Variants in KIRREL3 observed in about 807,000 individuals in gnomAD.
KIRREL3 encodes the protein kirre like nephrin family adhesion molecule 3, also known as kin of IRRE-like protein 3.
KIRREL3 carries 36 observed loss-of-function variants against 89.7 expected under a neutral mutation model. The observed-to-expected ratio is 0.40, with a 90% CI of 0.31 to 0.53. The LOEUF (loss-of-function observed/expected upper bound fraction) is 0.53, where lower values mean the gene tolerates loss of function less well. Among genes scored for constraint, KIRREL3 ranks in the 20% least tolerant of loss-of-function variants. The pLI, the probability that KIRREL3 is intolerant of heterozygous loss-of-function variation, is 0.49. For synonymous variants in KIRREL3, 445 were observed against 441.4 expected (o/e 1.01, Z -0.10); for missense variants, 864 against 1,056.6 (o/e 0.82, Z 2.53).
intron 1 of KIRREL3, among the ~76,000 whole-genome samples, chr11:126,929,066 T>A (rs1947833628): frequency 6.6e-6 from 1 of 152,196 alleles, no homozygotes; most frequent in Non-Finnish European, 1.5e-5. Flanking sequence ...TAGGAGCTTT[T>A]CAAGGACGTC....
intron 1 of KIRREL3, among the ~76,000 whole-genome samples, chr11:126,986,588 C>T (rs907007455): frequency 6.6e-6 from 1 of 152,134 alleles, no homozygotes; most frequent in African/African-American, 2.4e-5. Context: ...CCCTGGGTTC[C>T]ACTGGGGTGG....
At chr11:126,494,437 C>T (rs533553330) in intron 4 of KIRREL3, among the ~76,000 whole-genome samples, 1 of 152,240 alleles carries the variant, frequency 6.6e-6, no homozygotes, top group Non-Finnish European at 1.5e-5. Context: ...TGCACGTTTT[C>T]CCTCTTGCTG....
Position 126,890,326 on chromosome 11 carries a change from C to T in KIRREL3, c.55+110129G>A, listed in dbSNP as rs986965213. On this transcript the variant is annotated intron_variant, in intron 1 of 16. Coordinates refer to ENST00000525144, the MANE Select transcript of KIRREL3 (RefSeq NM_032531.4). The surrounding 1 kb of genome is among the most constrained non-coding windows in gnomAD (Gnocchi z 5.1). ...AACAATAGCCGAGAAAGGGCTTGTA[C>T]TGGCCATGCCAGAGTCTAGAGGGAA... Among the ~76,000 whole-genome samples the T allele has an allele frequency of 6.6e-6, 1 of 152,230 alleles. No homozygotes were observed. The highest frequency in any genetic ancestry group is 2.4e-5 in the African/African-American group (1 of 41,464).
chr11:126,929,524 A>C (rs1031089698), intron 1 of KIRREL3, among the ~76,000 whole-genome samples: 2 of 151,576 alleles, frequency 1.3e-5, no homozygotes, highest in Admixed American at 6.6e-5. Flanking sequence ...AGAAGCAGAA[A>C]ACAAATAAAA....
chr11:126,853,042 GT>G (rs1041813161), intron 1 of KIRREL3, among the ~76,000 whole-genome samples: 1 of 152,110 alleles, frequency 6.6e-6, no homozygotes, highest in African/African-American at 2.4e-5. Context: ...TGTAACTTAA[GT>G]TTTTTGTGTC....
chr11:126,608,327 C>T lies in KIRREL3; in HGVS notation c.56-45415G>A, dbSNP rs1296021324. 6.6e-6 allele frequency among the ~76,000 whole-genome samples: 1 copy of T among 152,188 alleles called. No individual in the cohort carries two copies. Among genetic ancestry groups the T allele is most frequent in the Non-Finnish European group, 1.5e-5 (1 of 68,028 alleles). On this transcript the variant is annotated intron_variant, in intron 1 of 16. Transcript: ENST00000525144. The surrounding 1 kb of genome is among the most constrained non-coding windows in gnomAD (Gnocchi z 4.9). ...CAGCATTTGTGAAATCTAATTAGTGCAGGCCCAACTTCTGACTTCCTGTGC... is the reference window on the plus strand; with the variant it reads ...CAGCATTTGTGAAATCTAATTAGTGTAGGCCCAACTTCTGACTTCCTGTGC...
intron 1 of KIRREL3, among the ~76,000 whole-genome samples, chr11:126,992,734 C>T (rs1011333760): frequency 6.6e-6 from 1 of 152,200 alleles, no homozygotes; most frequent in African/African-American, 2.4e-5. Context: ...CTCACCTGCT[C>T]CAGTGCTGTT....
intron 1 of KIRREL3, among the ~76,000 whole-genome samples, chr11:126,974,897 TA>T (rs1216026585): frequency 6.6e-6 from 1 of 152,102 alleles, no homozygotes; most frequent in East Asian, 1.9e-4. Context: ...TTTAAAGGCT[TA>T]ATGTGACTTA....
chr11:126,984,716 C>T (rs934336581), intron 1 of KIRREL3, among the ~76,000 whole-genome samples: 7 of 152,168 alleles, frequency 4.6e-5, no homozygotes, highest in Non-Finnish European at 8.8e-5. Context: ...CCAAGCTCCC[C>T]GCACAAATTG....
chr11:126,455,123 G>A lies in KIRREL3; in HGVS notation c.848+1226C>T, dbSNP rs1375217044. On this transcript the variant is annotated intron_variant, in intron 7 of 16. Coordinates refer to ENST00000525144, the MANE Select transcript of KIRREL3 (RefSeq NM_032531.4). This position sits in a 1 kb window ranked among gnomAD's most constrained non-coding sequence, Gnocchi z 6.4. ...GGCACCATTAACATCCTTGGCCTTT[G>A]CAGATGCTGCAGCTTAATGGCCGAG... Among the ~76,000 whole-genome samples the A allele has an allele frequency of 1.3e-5, 2 of 152,182 alleles. No individual in the cohort carries two copies. The highest frequency in any genetic ancestry group is 1.3e-4 in the Admixed American group (2 of 15,280).
rs896310702 is a variant in KIRREL3, at chr11:126,992,538, G to C, written c.55+7917C>G. The C allele has an allele frequency of 1.2e-4, 19 of 152,342 alleles. 1 individual carries two copies. Among genetic ancestry groups the C allele is most frequent in the African/African-American group, 3.6e-4 (15 of 41,576 alleles). 9.4% of individuals were successfully genotyped at this position (152,342 alleles called of 1,614,324 possible). On this transcript the variant is annotated intron_variant, in intron 1 of 16. Coordinates refer to ENST00000525144, the MANE Select transcript of KIRREL3 (RefSeq NM_032531.4). ...GGCCAAAGTGTGGAACATACAGGTA[G>C]ATCTGATGATATTCTCTACTCTTAA...
At chr11:126,597,655 G>A (rs1273442277) in intron 1 of KIRREL3, among the ~76,000 whole-genome samples, 1 of 152,190 alleles carries the variant, frequency 6.6e-6, no homozygotes, top group Non-Finnish European at 1.5e-5. Context: ...TCTCTCGAGT[G>A]CCTTCCCCGA....
chr11:126,464,568 G>T (rs1300267376), intron 5 of KIRREL3, among the ~76,000 whole-genome samples: 1 of 151,250 alleles, frequency 6.6e-6, no homozygotes, highest in African/African-American at 2.4e-5. Flanking sequence ...AGAAGAAGGA[G>T]AAGGATAAAG....
intron 7 of KIRREL3, among the ~76,000 whole-genome samples, chr11:126,451,171 G>A (rs1411982049): frequency 6.7e-6 from 1 of 150,210 alleles, no homozygotes; most frequent in South Asian, 2.1e-4. Context: ...GTGTGAATGT[G>A]TACATGTGTG....
intron 1 of KIRREL3, among the ~76,000 whole-genome samples, chr11:126,725,214 C>T (rs150409082): frequency 3.9e-5 from 6 of 152,272 alleles, no homozygotes; most frequent in African/African-American, 1.2e-4. Flanking sequence ...GAGAGGACAG[C>T]GTGGTGCCTC....
chr11:126,599,956 T>A (rs1942579401), intron 1 of KIRREL3, among the ~76,000 whole-genome samples: 1 of 152,246 alleles, frequency 6.6e-6, no homozygotes, highest in Non-Finnish European at 1.5e-5. Context: ...CCCTTGAGTA[T>A]GGGCTAGACC....
chr11:126,915,009 C>A (rs1362745705), intron 1 of KIRREL3, among the ~76,000 whole-genome samples: 3 of 152,172 alleles, frequency 2.0e-5, no homozygotes, highest in Non-Finnish European at 4.4e-5. Flanking sequence ...ACCTTAAAAA[C>A]CAACGCTCTT....
intron 1 of KIRREL3, among the ~76,000 whole-genome samples, chr11:126,756,876 C>A (rs1034971275): frequency 2.0e-5 from 3 of 152,190 alleles, no homozygotes; most frequent in Non-Finnish European, 4.4e-5. Context: ...TGTGGGTAAG[C>A]TGACTTGGGA....
At chr11:126,800,791 C>T (rs1462074317) in intron 1 of KIRREL3, among the ~76,000 whole-genome samples, 1 of 152,164 alleles carries the variant, frequency 6.6e-6, no homozygotes, top group Admixed American at 6.5e-5. Context: ...CATTCAACCC[C>T]TGGACAATGA....
Sources: gnomAD v4.1 joint callset for allele counts (sites outside exome capture counted in the v4.1 genomes callset) on GRCh38, gnomAD v4.1.1 for gene constraint, Gnocchi (gnomAD v3.1) non-coding constraint, MANE v1.5 for transcripts, NCBI Gene and HGNC (gene_info 2026-07-23, HGNC 2026-07-21) for gene names.